The following TBCA variants were observed in gnomAD, a reference collection of about 807,000 sequenced individuals.
TBCA encodes the protein tubulin-specific chaperone A.
Under a neutral mutation model 15.8 loss-of-function variants are expected in TBCA, and 6 were observed. The observed-to-expected ratio is 0.38, with a 90% CI of 0.21 to 0.75. TBCA has a LOEUF of 0.75. Ranked by LOEUF, TBCA falls within the 30% of genes least tolerant of loss-of-function variation. TBCA has a pLI of 0.46. For missense variants in TBCA, 90 were observed against 131.2 expected (o/e 0.69, Z 1.53); for synonymous variants, 32 against 42.3 (o/e 0.76, Z 0.94).
chr5:77,731,648 T>C (rs1441268465), intron 1 of TBCA, among the ~76,000 whole-genome samples: 1 of 152,190 alleles, frequency 6.6e-6, no homozygotes, highest in African/African-American at 2.4e-5. Flanking sequence ...GTTGTATAGA[T>C]AGTAAATACT....
At chr5:77,697,612 A>G (rs1407986834) in intron 2 of TBCA, among the ~76,000 whole-genome samples, 3 of 152,136 alleles carry the variant, frequency 2.0e-5, no homozygotes, top group Non-Finnish European at 4.4e-5. Context: ...CAGCTAAAGC[A>G]GTGTCTGTTG....
chr5:77,726,445 G>A (rs774424757), intron 1 of TBCA, among the ~76,000 whole-genome samples: 20 of 152,092 alleles, frequency 1.3e-4, no homozygotes, highest in Non-Finnish European at 2.5e-4. Context: ...TGAGCTTTAA[G>A]GAGAAAAATA....
chr5:77,776,113 T>A, intron 1 of TBCA, 92 bp downstream of exon 1: 1 of 1,488,388 alleles, frequency 6.7e-7, no homozygotes, highest in Non-Finnish European at 9.1e-7. Context: ...GGAGCCCGCC[T>A]CGGGCCTCCT....
chr5:77,700,699 C>G (rs1246838868), intron 2 of TBCA, among the ~76,000 whole-genome samples: 1 of 152,178 alleles, frequency 6.6e-6, no homozygotes, highest in Non-Finnish European at 1.5e-5. Flanking sequence ...CTAGTAATTG[C>G]ACTCTCAGGC....
chr5:77,771,130 A>T (rs1747901204), intron 1 of TBCA, among the ~76,000 whole-genome samples: 1 of 152,168 alleles, frequency 6.6e-6, no homozygotes, highest in African/African-American at 2.4e-5. Context: ...CTGAAAAAAT[A>T]AAAATAAAAA....
chr5:77,694,341 C>G (rs968662496), intron 2 of TBCA: 9 of 152,140 alleles, frequency 5.9e-5, no homozygotes, highest in African/African-American at 1.9e-4. Context: ...AAACTTCTTG[C>G]CTATTCCTCC....
chr5:77,743,625 C>T (rs1348159184), intron 1 of TBCA, among the ~76,000 whole-genome samples: 1 of 152,196 alleles, frequency 6.6e-6, no homozygotes, highest in Admixed American at 6.5e-5. Context: ...ATCCCTGCCG[C>T]ACCCAGTCTC....
chr5:77,731,996 A>G (rs1746783098), intron 1 of TBCA, among the ~76,000 whole-genome samples: 1 of 152,170 alleles, frequency 6.6e-6, no homozygotes, highest in Non-Finnish European at 1.5e-5. Context: ...CGGTCTCCAC[A>G]GCCTGGGTGT....
intron 1 of TBCA, among the ~76,000 whole-genome samples, chr5:77,775,617 G>A (rs1408089165): frequency 6.6e-6 from 1 of 152,198 alleles, no homozygotes; most frequent in Non-Finnish European, 1.5e-5. Context: ...CGAGCTTCGG[G>A]GAATCTGACT....
chr5:77,763,137 G>C (rs542507533), intron 1 of TBCA, among the ~76,000 whole-genome samples: 2 of 152,198 alleles, frequency 1.3e-5, no homozygotes, highest in South Asian at 2.1e-4. Context: ...CCAGCTACGC[G>C]GGAGGCTGAG....
chr5:77,759,656 T>C (rs553139331), intron 1 of TBCA, among the ~76,000 whole-genome samples: 4 of 152,312 alleles, frequency 2.6e-5, no homozygotes, highest in Non-Finnish European at 5.9e-5. Flanking sequence ...GCTGCAAAGA[T>C]GCCTATTAAT....
intron 1 of TBCA, among the ~76,000 whole-genome samples, chr5:77,767,061 G>C (rs564543228): frequency 3.3e-5 from 5 of 152,278 alleles, no homozygotes; most frequent in African/African-American, 1.2e-4. Context: ...TAACATTCTA[G>C]ATTTGGAAAT....
At chr5:77,750,768 G>A (rs1747306063) in intron 1 of TBCA, among the ~76,000 whole-genome samples, 1 of 152,166 alleles carries the variant, frequency 6.6e-6, no homozygotes, top group African/African-American at 2.4e-5. Flanking sequence ...GAGGTCCTGA[G>A]GCCAGGTGGT....
chr5:77,769,424 G>C (rs1285715731), intron 1 of TBCA, among the ~76,000 whole-genome samples: 1 of 152,160 alleles, frequency 6.6e-6, no homozygotes, highest in East Asian at 1.9e-4. Flanking sequence ...TTAAATATAA[G>C]TATATAAACA....
intron 1 of TBCA, among the ~76,000 whole-genome samples, chr5:77,709,308 A>G (rs1167978605): frequency 6.6e-6 from 1 of 152,228 alleles, no homozygotes; most frequent in Non-Finnish European, 1.5e-5. Context: ...AAGTTTCAAC[A>G]ATAAGAAATA....
intron 1 of TBCA, among the ~76,000 whole-genome samples, chr5:77,738,592 T>C (rs942703919): frequency 6.6e-6 from 1 of 152,024 alleles, no homozygotes; most frequent in African/African-American, 2.4e-5. Context: ...CAGCTACTTC[T>C]TTTTTTTGGA....
intron 1 of TBCA, among the ~76,000 whole-genome samples, chr5:77,744,837 C>G (rs1747146436): frequency 6.6e-6 from 1 of 152,128 alleles, no homozygotes; most frequent in African/African-American, 2.4e-5. Flanking sequence ...CACCCAGCCT[C>G]TTATTCACCT....
chr5:77,771,809 A>G (rs561868569), intron 1 of TBCA, among the ~76,000 whole-genome samples: 1 of 152,342 alleles, frequency 6.6e-6, no homozygotes, highest in African/African-American at 2.4e-5. Flanking sequence ...CACCAGGTCT[A>G]ATCAGAAACT....
chr5:77,693,888 T>C (rs1745815255), intron 2 of TBCA, among the ~76,000 whole-genome samples: 1 of 152,084 alleles, frequency 6.6e-6, no homozygotes, highest in Non-Finnish European at 1.5e-5. Context: ...CTAAATCTTT[T>C]TGGTAATCAC....
Sources: gnomAD v4.1 joint callset for allele counts (sites outside exome capture counted in the v4.1 genomes callset) on GRCh38, gnomAD v4.1.1 for gene constraint, MANE v1.5 for transcripts, NCBI Gene and HGNC (gene_info 2026-07-23, HGNC 2026-07-21) for gene names.